PTPRT: variants seen among roughly 807,000 people sequenced by gnomAD.
PTPRT encodes receptor-type tyrosine-protein phosphatase T.
Under a neutral mutation model 176.8 loss-of-function variants are expected in PTPRT, and 56 were observed. The ratio of observed to expected loss-of-function variants is 0.32; its 90% CI spans 0.26 to 0.40. The LOEUF (loss-of-function observed/expected upper bound fraction) is 0.40. PTPRT is among the 10% of genes least tolerant of loss of function. The probability of loss-of-function intolerance (pLI) is 1.00; values close to 1 mark genes in which losing one functional copy is unlikely to be tolerated. For synonymous variants in PTPRT, 783 were observed against 739.0 expected (o/e 1.06, Z -0.96); for missense variants, 1,540 against 1,908.2 (o/e 0.81, Z 3.60).
chr20:42,466,504 A>G (rs868403891), intron 8 of PTPRT, among the ~76,000 whole-genome samples: 1 of 152,136 alleles, frequency 6.6e-6, no homozygotes, highest in Non-Finnish European at 1.5e-5. Flanking sequence ...TAAAAACTGA[A>G]ATCTTTAACC....
intron 1 of PTPRT, among the ~76,000 whole-genome samples, chr20:43,119,198 A>C (rs1449646172): frequency 6.6e-6 from 1 of 152,216 alleles, no homozygotes; most frequent in East Asian, 1.9e-4. Context: ...CTGTTGTTTT[A>C]GCCCTTATAT....
chr20:42,461,933 T>C (rs1247295177), intron 8 of PTPRT, among the ~76,000 whole-genome samples: 1 of 151,144 alleles, frequency 6.6e-6, no homozygotes, highest in Non-Finnish European at 1.5e-5. Flanking sequence ...GTGAGAAATA[T>C]ATCCAGTTAC....
chr20:42,628,099 G>A (rs6093703), intron 7 of PTPRT, among the ~76,000 whole-genome samples: 17,386 of 152,144 alleles, frequency 0.11, 3,304 homozygotes, highest in African/African-American at 0.39. Context: ...AGACACACAG[G>A]GTGGGGAAAG....
rs1319796126 is a variant in PTPRT, at chr20:42,771,479, T to A, written c.640A>T (p.Ile214Phe). 3 of 1,614,130 alleles carry A rather than the reference T, an allele frequency of 1.9e-6. No homozygotes were observed. The East Asian group carries it at 6.7e-5, about 36-fold the overall frequency. ...TGCTGAGACCACTTCCCACCAGCAA[T>A]GCACTGAAATGTGGCATTCTGCCCC... ...NVGQNATFQC[I>F]AGGKWSQHDK... Residue 214 changes from isoleucine to phenylalanine, a missense_variant, in exon 5 of 31, where the codon ATT becomes TTT. This residue lies in a region of PTPRT where 273 missense variants were observed against 432.1 expected (regional missense o/e 0.63). Transcript: ENST00000373187.
In PTPRT at chr20:42,075,071, A is replaced by G. The variant is rs1982640647; in HGVS notation, c.*5808T>C. 1 of 385,206 alleles carries G rather than the reference A, an allele frequency of 2.6e-6. No individual in the cohort carries two copies. The highest frequency in any genetic ancestry group is 3.7e-5 in the East Asian group (1 of 27,198). The allele number at this position is 385,206 out of a possible 1,614,324, so 23.9% of individuals were successfully genotyped here. On this transcript the variant is annotated 3_prime_UTR_variant, in exon 31 of 31. Transcript: ENST00000373187. ...CCTCAAAGGCAGATCCCTGCAAGACAAAGCCAAGGCCTTGCATTCTATCAC... is the reference window on the plus strand; with the variant it reads ...CCTCAAAGGCAGATCCCTGCAAGACGAAGCCAAGGCCTTGCATTCTATCAC...
At chr20:42,807,653 T>C (rs1237414258) in intron 2 of PTPRT, among the ~76,000 whole-genome samples, 2 of 152,202 alleles carry the variant, frequency 1.3e-5, no homozygotes, top group Non-Finnish European at 2.9e-5. Flanking sequence ...GCCAAAAGCA[T>C]AGACAACAGG....
chr20:42,580,017 T>G (rs1011758604), intron 7 of PTPRT, among the ~76,000 whole-genome samples: 11 of 152,330 alleles, frequency 7.2e-5, no homozygotes, highest in Admixed American at 5.2e-4. Flanking sequence ...GGTTTTCTCC[T>G]AGGGTTTTTA....
At position 43,189,452 on chromosome 20, in the gene PTPRT, G is replaced by A. The variant is rs1405132232; in HGVS notation, c.88+194C>T. Among the ~76,000 whole-genome samples the A allele has an allele frequency of 2.6e-5, 4 of 152,170 alleles. No homozygotes were observed. Among genetic ancestry groups the A allele is most frequent in the Non-Finnish European group, 4.4e-5 (3 of 68,012 alleles). ...AACGCGGGCTGCCGAGGGACGCGAG[G>A]GGCCGGGCTCGCTGGCCGGGGCGCG... is the stretch of plus-strand genomic sequence containing the variant. On this transcript the variant is annotated intron_variant, in intron 1 of 30. Transcript: ENST00000373187. The surrounding 1 kb of genome is among the most constrained non-coding windows in gnomAD (Gnocchi z 5.0).
At chr20:43,155,944 A>T (rs557517784) in intron 1 of PTPRT, among the ~76,000 whole-genome samples, 1 of 152,332 alleles carries the variant, frequency 6.6e-6, no homozygotes, top group Non-Finnish European at 1.5e-5. Context: ...TCGCTTGTTC[A>T]GTTCCTCTCT....
At chr20:42,999,543 G>A (rs1463301874) in intron 1 of PTPRT, among the ~76,000 whole-genome samples, 2 of 152,030 alleles carry the variant, frequency 1.3e-5, no homozygotes, top group Non-Finnish European at 2.9e-5. Flanking sequence ...GCCACTGGAG[G>A]CCAGGGGTTC....
chr20:42,092,523 C>A (rs571163344), intron 27 of PTPRT, among the ~76,000 whole-genome samples: 33 of 152,226 alleles, frequency 2.2e-4, no homozygotes, highest in Non-Finnish European at 4.1e-4. Context: ...GAGTAAGTAC[C>A]AAGGCTACAA....
intron 7 of PTPRT, among the ~76,000 whole-genome samples, chr20:42,514,494 T>C (rs1391870989): frequency 1.3e-5 from 2 of 152,224 alleles, no homozygotes; most frequent in African/African-American, 4.8e-5. Flanking sequence ...TTACTCTAGA[T>C]ACTTATTTGT....
chr20:42,124,101 G>A (rs1159023043), intron 19 of PTPRT, among the ~76,000 whole-genome samples: 2 of 152,140 alleles, frequency 1.3e-5, no homozygotes, highest in Admixed American at 1.3e-4. Flanking sequence ...AACCCACGCA[G>A]TCCCCAAAGA....
chr20:42,993,712 C>T (rs942017056), intron 1 of PTPRT, among the ~76,000 whole-genome samples: 1 of 151,656 alleles, frequency 6.6e-6, no homozygotes, highest in Non-Finnish European at 1.5e-5. Context: ...ACCAGCATTT[C>T]CCAGACTGGT....
In PTPRT at chr20:42,995,999, A is replaced by AT. The variant is rs200600735; in HGVS notation, c.89-110068dup. On this transcript the variant is annotated intron_variant, in intron 1 of 30. Coordinates refer to ENST00000373187, the MANE Select transcript of PTPRT (RefSeq NM_007050.6). ...CACTATACCCAGCTAAATTTTTATT[A>AT]TTTTTTTTGTTTGTTTAGAGACAGA... Among the ~76,000 whole-genome samples the AT allele has an allele frequency of 4.4e-3, 661 of 151,498 alleles. 5 individuals carry two copies. Among genetic ancestry groups the AT allele is most frequent in the African/African-American group, 0.015 (629 of 41,318 alleles).
intron 7 of PTPRT, among the ~76,000 whole-genome samples, chr20:42,612,265 T>C (rs6102948): frequency 0.12 from 18,100 of 152,182 alleles, 2,659 homozygotes; most frequent in African/African-American, 0.35. Context: ...GTCAGGAAAA[T>C]GTATTCTCCA....
chr20:42,954,598 G>A (rs774860774), intron 1 of PTPRT, among the ~76,000 whole-genome samples: 19 of 150,082 alleles, frequency 1.3e-4, no homozygotes, highest in African/African-American at 3.0e-4. Context: ...CTCAGTCAAC[G>A]TGCGTGTTTG....
chr20:42,550,960 A>G (rs1479957279), intron 7 of PTPRT, among the ~76,000 whole-genome samples: 1 of 152,114 alleles, frequency 6.6e-6, no homozygotes, highest in African/African-American at 2.4e-5. Flanking sequence ...TGGTCATCGG[A>G]ATTGGACTCG....
At position 43,001,335 on chromosome 20, in the gene PTPRT, T is replaced by C. The variant is rs142417000; in HGVS notation, c.89-115403A>G. Among the ~76,000 whole-genome samples the C allele has an allele frequency of 3.0e-4, 46 of 152,246 alleles. No homozygotes were observed. The East Asian group carries it at 8.7e-3, about 29-fold the overall frequency. ...TTAAATTTTTGGTGAAACTCAAAAA[T>C]AGAATTGAGTCTAAATAATTATGGC... On this transcript the variant is annotated intron_variant, in intron 1 of 30. Transcript: ENST00000373187.
Sources: gnomAD v4.1 joint callset for allele counts (sites outside exome capture counted in the v4.1 genomes callset) on GRCh38, gnomAD v4.1.1 for gene constraint, gnomAD v4.1.1 regional missense constraint, Gnocchi (gnomAD v3.1) non-coding constraint, MANE v1.5 for transcripts, NCBI Gene and HGNC (gene_info 2026-07-23, HGNC 2026-07-21) for gene names.